PSMB1: variants seen among roughly 807,000 people sequenced by gnomAD.
The protein encoded by PSMB1 is proteasome 20S subunit beta 1, also known as proteasome subunit beta type-1.
In PSMB1, 7 loss-of-function variants were observed where a neutral mutation model predicts 25.4. That is an observed-to-expected ratio of 0.28 (90% CI 0.16 to 0.52). PSMB1 has a LOEUF of 0.52. Among genes scored for constraint, PSMB1 ranks in the 20% least tolerant of loss-of-function variants. PSMB1 has a pLI of 0.97. For missense variants in PSMB1, 284 were observed against 302.2 expected (o/e 0.94, Z 0.45); for synonymous variants, 119 against 115.0 (o/e 1.03, Z -0.22).
intron 4 of PSMB1, among the ~76,000 whole-genome samples, chr6:170,543,354 T>A (rs1406290546): frequency 6.6e-6 from 1 of 152,226 alleles, no homozygotes; most frequent in Non-Finnish European, 1.5e-5. Flanking sequence ...AATTATTTAC[T>A]ACTAACTCAT....
intron 1 of PSMB1, chr6:170,550,114 G>C (rs1181619213): frequency 6.6e-6 from 1 of 152,202 alleles, no homozygotes; most frequent in Non-Finnish European, 1.5e-5. Context: ...CAATGCAATA[G>C]TGGAAATTAA....
chr6:170,535,281 C>T lies in PSMB1; in HGVS notation c.665G>A (p.Arg222Gln), dbSNP rs775486561. 16 of 1,614,002 alleles carry T rather than the reference C, an allele frequency of 9.9e-6. No individual in the cohort carries two copies. The highest frequency in any genetic ancestry group is 1.6e-4 in the Middle Eastern group (1 of 6,080). ...GCCCTCTTTGGTCACTATGCAGATC[C>T]GGAGTGCGTCCCCAGTGTACACATC... is the stretch of plus-strand genomic sequence containing the variant. Reference protein sequence around the residue: ...ERDVYTGDALRICIVTKEGIR... With the variant: ...ERDVYTGDALQICIVTKEGIR... The change falls in exon 6 of 6, where the codon CGG becomes CAG. Residue 222 changes from arginine (R) to glutamine (Q), a missense_variant. Coordinates refer to ENST00000262193, the MANE Select transcript of PSMB1 (RefSeq NM_002793.4).
chr6:170,542,518 T>C (rs1778769354), intron 4 of PSMB1, among the ~76,000 whole-genome samples: 1 of 152,192 alleles, frequency 6.6e-6, no homozygotes, highest in Admixed American at 6.5e-5. Context: ...GTTTAGGCTA[T>C]TGCTTGAAAC....
At chr6:170,540,588 CAAAAAAAAAAA>C (rs5881872) in intron 4 of PSMB1, among the ~76,000 whole-genome samples, 3 of 61,198 alleles carry the variant, frequency 4.9e-5, no homozygotes, top group African/African-American at 1.7e-4. Context: ...GAATGGACAG[CAAAAAAAAAAA>C]AAAAAAAAAA....
In PSMB1 at chr6:170,553,113, C is replaced by T; in HGVS notation, c.113+17G>A. ...GGAAGGGCGAAAGTGAAAGCCGCAG[C>T]TCTCTGGGGTTTTTACCCTCCGTTG... On this transcript the variant is annotated intron_variant, in intron 1 of 5. Coordinates refer to ENST00000262193, the MANE Select transcript of PSMB1 (RefSeq NM_002793.4). 1 of 1,585,652 alleles carries T rather than the reference C, an allele frequency of 6.3e-7. No individual in the cohort carries two copies. The highest frequency in any genetic ancestry group is 8.6e-7 in the Non-Finnish European group (1 of 1,162,228).
intron 4 of PSMB1, among the ~76,000 whole-genome samples, chr6:170,541,067 C>G (rs1418249419): frequency 6.6e-6 from 1 of 151,978 alleles, no homozygotes; most frequent in African/African-American, 2.4e-5. Flanking sequence ...CAAAAAGGTC[C>G]CGTTTTGTTT....
At chr6:170,545,175 C>T (rs1470003207) in intron 3 of PSMB1, among the ~76,000 whole-genome samples, 5 of 151,680 alleles carry the variant, frequency 3.3e-5, no homozygotes, top group African/African-American at 1.2e-4. Context: ...CATTCCATTT[C>T]ATTTCGAAAC....
At chr6:170,536,820 G>A (rs539143000) in intron 5 of PSMB1, among the ~76,000 whole-genome samples, 50 of 152,236 alleles carry the variant, frequency 3.3e-4, no homozygotes, top group Non-Finnish European at 5.0e-4. Context: ...GGGAACTGGC[G>A]CCCCAATCCC....
chr6:170,540,067 C>A (rs1778739308), intron 4 of PSMB1, among the ~76,000 whole-genome samples: 1 of 149,896 alleles, frequency 6.7e-6, no homozygotes, highest in Non-Finnish European at 1.5e-5. Context: ...AAAACTAAAG[C>A]CACTTTTAAT....
intron 5 of PSMB1, 122 bp from the exon 6 acceptor site, chr6:170,535,527 A>G: frequency 1.2e-6 from 1 of 840,690 alleles, no homozygotes; most frequent in Non-Finnish European, 1.8e-6. Context: ...CACAAAATTA[A>G]AATGTCCTTC....
intron 4 of PSMB1, 95 bp from the exon 5 acceptor site, chr6:170,537,435 A>C: frequency 2.1e-6 from 2 of 960,854 alleles, no homozygotes; most frequent in Non-Finnish European, 3.2e-6. Flanking sequence ...CACAAAACGG[A>C]CTATCACCTT....
chr6:170,549,886 G>C (rs904944545), intron 1 of PSMB1: 9 of 152,282 alleles, frequency 5.9e-5, no homozygotes, highest in African/African-American at 1.9e-4. Context: ...GTAAGTGTTA[G>C]CTATAAGTGC....
intron 3 of PSMB1, among the ~76,000 whole-genome samples, chr6:170,544,843 A>G (rs970520634): frequency 8.5e-5 from 13 of 152,208 alleles, no homozygotes; most frequent in African/African-American, 3.1e-4. Context: ...TAAAAACTAT[A>G]AAAAATTATT....
intron 1 of PSMB1, chr6:170,550,388 A>C (rs1416515933): frequency 2.0e-5 from 3 of 152,242 alleles, no homozygotes; most frequent in Admixed American, 2.0e-4. Flanking sequence ...CCAAATGCCA[A>C]GCTAAAGATT....
At chr6:170,537,801 A>T (rs1778712908) in intron 4 of PSMB1, among the ~76,000 whole-genome samples, 2 of 152,188 alleles carry the variant, frequency 1.3e-5, no homozygotes, top group Admixed American at 1.3e-4. Flanking sequence ...CCCGTAAGAG[A>T]GTAGGGAGAA....
chr6:170,537,328 A>G lies in PSMB1; in HGVS notation c.446T>C (p.Val149Ala). Residue 149 changes from valine (V) to alanine (A), a missense_variant, in exon 5 of 6, where the codon GTA (valine) becomes GCA (alanine). By Grantham distance (64) the Val-to-Ala change is moderately conservative. Transcript: ENST00000262193. ...AGACCCTACTGGATCAAAGCTGTAT[A>G]CAGCCCCCTTTCCTTAAAGAAGAAA... ...GGLDEEGKGAVYSFDPVGSYQ... is the reference protein window; with the variant it reads ...GGLDEEGKGAAYSFDPVGSYQ... 6.2e-7 allele frequency: 1 copy of G among 1,613,368 alleles called. No individual in the cohort carries two copies. The highest frequency in any genetic ancestry group is 2.2e-5 in the East Asian group (1 of 44,860).
At chr6:170,539,657 G>A (rs538324203) in intron 4 of PSMB1, among the ~76,000 whole-genome samples, 32 of 152,196 alleles carry the variant, frequency 2.1e-4, no homozygotes, top group African/African-American at 7.5e-4. Context: ...GGGTACTGGC[G>A]TATCCTTCAG....
At chr6:170,552,713 G>A (rs1778926857) in intron 1 of PSMB1, among the ~76,000 whole-genome samples, 1 of 152,234 alleles carries the variant, frequency 6.6e-6, no homozygotes, top group South Asian at 2.1e-4. Context: ...TTAAGTTTCA[G>A]ACGCTAACCC....
chr6:170,537,908 C>T (rs568510429), intron 4 of PSMB1, among the ~76,000 whole-genome samples: 237 of 152,164 alleles, frequency 1.6e-3, no homozygotes, highest in South Asian at 2.9e-3. Context: ...CCTAAGCTAA[C>T]GAAGAGGAGA....
Sources: gnomAD v4.1 joint callset for allele counts (sites outside exome capture counted in the v4.1 genomes callset) on GRCh38, gnomAD v4.1.1 for gene constraint, MANE v1.5 for transcripts, NCBI Gene and HGNC (gene_info 2026-07-23, HGNC 2026-07-21) for gene names.